Variants in PCSK7 observed in about 807,000 individuals in gnomAD.
The protein encoded by PCSK7 is proprotein convertase subtilisin/kexin type 7.
Under a neutral mutation model 73.3 loss-of-function variants are expected in PCSK7, and 38 were observed. The observed-to-expected ratio is 0.52, with a 90% CI of 0.40 to 0.68. PCSK7 has a LOEUF of 0.68. PCSK7 is among the 30% of genes least tolerant of loss of function. PCSK7 has a pLI of 0.00. For missense variants in PCSK7, 692 were observed against 991.5 expected, an observed-to-expected ratio of 0.70 and a Z score of 4.06; for synonymous variants, 296 against 383.8, an observed-to-expected ratio of 0.77 and a Z score of 2.68.
rs539037086 is a variant in PCSK7 at position 117,229,675 on chromosome 11, T to G, written c.170A>C (p.His57Pro). The change falls in exon 3 of 17, where the codon CAC (histidine) becomes CCC (proline). Residue 57 changes from histidine (H) to proline (P), a missense_variant. This residue lies in a region of PCSK7 where 574 missense variants were observed against 689.8 expected (regional missense o/e 0.83). Coordinates refer to ENST00000320934, the MANE Select transcript of PCSK7 (RefSeq NM_004716.4). Reference protein sequence around the residue: ...QGTGGPSWAVHLESLEGDGEE... With the variant: ...QGTGGPSWAVPLESLEGDGEE... ...CCCGTCACCTTCCAGGCTTTCCAGG[T>G]GCACAGCCCAGCTCGGCCCCCCTGT... 6.2e-7 allele frequency: 1 copy of G among 1,613,870 alleles called. No homozygotes were observed. Among genetic ancestry groups the G allele is most frequent in the East Asian group, 2.2e-5 (1 of 44,866 alleles).
chr11:117,213,956 C>CTTTTTTTTTTTTTTTT (rs1174445276), intron 12 of PCSK7: 29 of 93,934 alleles, frequency 3.1e-4, no homozygotes, highest in African/African-American at 3.9e-4. Flanking sequence ...TTTTCTTTTT[C>CTTTTTTTTTTTTTTTT]TTTTTTTTTT....
chr11:117,225,958 T>C lies in PCSK7; in HGVS notation c.833A>G (p.Tyr278Cys), dbSNP rs1181353585. The C allele has an allele frequency of 7.5e-6, 12 of 1,610,506 alleles. No homozygotes were observed. The highest frequency in any genetic ancestry group is 7.6e-6 in the Non-Finnish European group (9 of 1,176,720). Reference protein sequence around the residue: ...SMEAVAFNKHYQINDIYSCSW... With the variant: ...SMEAVAFNKHCQINDIYSCSW... Reference sequence around the variant, plus strand: ...GCAGCTGTAGATGTCATTGATCTGATAGTGCTTGTTGAACGCCACTGCCTC... The same window carrying C: ...GCAGCTGTAGATGTCATTGATCTGACAGTGCTTGTTGAACGCCACTGCCTC... The change falls in exon 6 of 17, where the codon TAT becomes TGT. Residue 278 changes from tyrosine (Y) to cysteine (C), a missense_variant. Coordinates refer to ENST00000320934, the MANE Select transcript of PCSK7 (RefSeq NM_004716.4).
chr11:117,204,458 C>T lies in PCSK7; in HGVS notation c.*1539G>A. 2 of 1,569,032 alleles carry T rather than the reference C, an allele frequency of 1.3e-6. No homozygotes were observed. The highest frequency in any genetic ancestry group is 1.1e-5 in the South Asian group (1 of 87,772). Reference sequence around the variant, plus strand: ...ACCCACACCCGTGTGGTACCTTCAGCCCTGGCCAAGCTTTGAGGCTCTGTC... The same window carrying T: ...ACCCACACCCGTGTGGTACCTTCAGTCCTGGCCAAGCTTTGAGGCTCTGTC... On this transcript the variant is annotated 3_prime_UTR_variant, in exon 17 of 17. Coordinates refer to ENST00000320934, the MANE Select transcript of PCSK7 (RefSeq NM_004716.4).
intron 12 of PCSK7, chr11:117,211,991 C>A (rs969355092): frequency 6.6e-6 from 1 of 152,226 alleles, no homozygotes; most frequent in African/African-American, 2.4e-5. Flanking sequence ...GATATTATTT[C>A]TTTTCCTGTA....
chr11:117,227,399 G>A, intron 4 of PCSK7, 77 bp from the exon 5 acceptor site: 1 of 1,106,606 alleles, frequency 9.0e-7, no homozygotes, highest in Non-Finnish European at 1.4e-6. Flanking sequence ...GGACAGAAAG[G>A]AAATGGGAGT....
In PCSK7 at chr11:117,218,541, A is replaced by C. The variant is rs1052553540; in HGVS notation, c.1459T>G (p.Ser487Ala). 1 of 1,608,850 alleles carries C rather than the reference A, an allele frequency of 6.2e-7. No homozygotes were observed. The highest frequency in any genetic ancestry group is 8.5e-7 in the Non-Finnish European group (1 of 1,177,242). The change falls in exon 12 of 17, where the codon TCC (serine) becomes GCC (alanine). Residue 487 changes from serine (S) to alanine (A), a missense_variant. By Grantham distance (99) the Ser-to-Ala change is moderately conservative. Coordinates refer to ENST00000320934, the MANE Select transcript of PCSK7 (RefSeq NM_004716.4). The surrounding 1 kb of genome is among the most constrained non-coding windows in gnomAD (Gnocchi z 4.0). ...TCTTTTAACACGGGACTGACGTAGG[A>C]TGCTAAGTAAGGGACAGATGTCCAG... ...KIWTSVPYLA[S>A]YVSPVLKENK...
intron 12 of PCSK7, chr11:117,215,431 C>T (rs1263873942): frequency 3.8e-5 from 4 of 106,042 alleles, no homozygotes; most frequent in Admixed American, 1.0e-4. Flanking sequence ...GATGGAGTCT[C>T]GCTCTGTTGT....
Position 117,218,637 on chromosome 11 carries a change from C to A in PCSK7, c.1432-69G>T, listed in dbSNP as rs2032080867. The A allele has an allele frequency of 2.4e-6, 2 of 816,838 alleles. No homozygotes were observed. Among genetic ancestry groups the A allele is most frequent in the Non-Finnish European group, 2.0e-6 (1 of 495,462 alleles). 50.6% of individuals were successfully genotyped at this position (816,838 alleles called of 1,614,324 possible). ...GATCACACCCACATTCTCACAAACA[C>A]ACACGCCCTTGTCAATACGATCTTG... On this transcript the variant is annotated intron_variant, in intron 11 of 16. Coordinates refer to ENST00000320934, the MANE Select transcript of PCSK7 (RefSeq NM_004716.4). The surrounding 1 kb of genome is among the most constrained non-coding windows in gnomAD (Gnocchi z 4.0).
At chr11:117,217,838 A>G (rs530294090) in intron 12 of PCSK7, 7 of 152,174 alleles carry the variant, frequency 4.6e-5, no homozygotes, top group Non-Finnish European at 7.3e-5. Context: ...ATCCAGCTGC[A>G]CTCTCCTCTA....
rs954402489 is a variant in PCSK7, at chr11:117,226,190, G to A, written c.770-169C>T. 1.7e-5 allele frequency: 10 copies of A among 602,126 alleles called. No homozygotes were observed. In the African/African-American group the frequency reaches 1.7e-4, roughly 10 times the overall value. The allele number at this position is 602,126 out of a possible 1,614,324, so 37.3% of individuals were successfully genotyped here. On this transcript the variant is annotated intron_variant, in intron 5 of 16. Transcript: ENST00000320934. The stretch of plus-strand genomic sequence containing the variant: ...TCTTACTTGTCACCCAGACTGGAGT[G>A]CAGTGGCATGATCTCGGCTCACTGC...
In PCSK7 at chr11:117,225,122, C is replaced by G. The variant is rs538450647; in HGVS notation, c.861-367G>C. 1.7e-4 allele frequency: 27 copies of G among 161,874 alleles called. No homozygotes were observed. In the South Asian group the frequency reaches 4.3e-3, roughly 26 times the overall value. The allele number at this position is 161,874 out of a possible 1,614,324, so 10.0% of individuals were successfully genotyped here. The stretch of plus-strand genomic sequence containing the variant: ...TGTTGCCCAGGCTGAAGTGCAATGG[C>G]GCGATTTTGGCTCACTGCCACCTCC... On this transcript the variant is annotated intron_variant, in intron 6 of 16. Coordinates refer to ENST00000320934, the MANE Select transcript of PCSK7 (RefSeq NM_004716.4).
Position 117,204,421 on chromosome 11 carries a change from T to G in PCSK7, c.*1576A>C. Reference sequence around the variant, plus strand: ...AGCTCCTTGGCTGCAGCCATCCCGCTTAGCCTGCCTCACCCACACCCGTGT... The same window carrying G: ...AGCTCCTTGGCTGCAGCCATCCCGCGTAGCCTGCCTCACCCACACCCGTGT... On this transcript the variant is annotated 3_prime_UTR_variant, in exon 17 of 17. Coordinates refer to ENST00000320934, the MANE Select transcript of PCSK7 (RefSeq NM_004716.4). The G allele has an allele frequency of 6.2e-7, 1 of 1,610,526 alleles. No homozygotes were observed. The highest frequency in any genetic ancestry group is 8.5e-7 in the Non-Finnish European group (1 of 1,178,002).
rs144563404 is a variant in PCSK7, at chr11:117,218,984, G to A, written c.1431+73C>T. On this transcript the variant is annotated intron_variant, in intron 11 of 16. Transcript: ENST00000320934. This position sits in a 1 kb window ranked among gnomAD's most constrained non-coding sequence, Gnocchi z 4.0. ...TTACTAGGCACCTATGATATCCCAGGCAGTTTGGGGCATTCAGCTCCGACC... is the reference window on the plus strand; with the variant it reads ...TTACTAGGCACCTATGATATCCCAGACAGTTTGGGGCATTCAGCTCCGACC... 1.0e-5 allele frequency: 9 copies of A among 894,794 alleles called. No homozygotes were observed. The East Asian group carries it at 2.1e-4, about 20-fold the overall frequency. 55.4% of individuals were successfully genotyped at this position (894,794 alleles called of 1,614,324 possible).
rs538042923 is a variant in PCSK7 at position 117,206,940 on chromosome 11, C to T, written c.1880+127G>A. 1.3e-4 allele frequency: 154 copies of T among 1,184,852 alleles called. 2 individuals are homozygous for T. The African/African-American group carries it at 2.1e-3, about 16-fold the overall frequency. 73.4% of individuals were successfully genotyped at this position (1,184,852 alleles called of 1,614,324 possible). ...AGGCCCAGACTGTGAGTTCCCAGCCCGGGGCTCCATCTACCGGCTTGACGC... is the reference window on the plus strand; with the variant it reads ...AGGCCCAGACTGTGAGTTCCCAGCCTGGGGCTCCATCTACCGGCTTGACGC... On this transcript the variant is annotated intron_variant, in intron 15 of 16. Coordinates refer to ENST00000320934, the MANE Select transcript of PCSK7 (RefSeq NM_004716.4).
chr11:117,205,805 A>G lies in PCSK7; in HGVS notation c.*192T>C, dbSNP rs1279321897. 4.2e-6 allele frequency: 2 copies of G among 474,988 alleles called. No individual in the cohort carries two copies. The highest frequency in any genetic ancestry group is 7.4e-6 in the Non-Finnish European group (2 of 269,028). 29.4% of individuals were successfully genotyped at this position (474,988 alleles called of 1,614,324 possible). On this transcript the variant is annotated 3_prime_UTR_variant, in exon 17 of 17. Transcript: ENST00000320934. ...CAAAAGCTCCCGTTTGGCTGGAGGC[A>G]GACCCTGTGGCTCTGACCAGACTTC...
intron 9 of PCSK7, 42 bp downstream of exon 9, chr11:117,223,166 G>T: frequency 1.7e-6 from 2 of 1,152,598 alleles, no homozygotes; most frequent in Non-Finnish European, 2.6e-6. Context: ...GTGAAGTCTT[G>T]TGGGAAAGGG....
chr11:117,229,506 G>A lies in PCSK7; in HGVS notation c.339C>T (p.Ile113=). Residue 113 remains isoleucine, a synonymous_variant, in exon 3 of 17, where the codon ATC becomes ATT. Coordinates refer to ENST00000320934, the MANE Select transcript of PCSK7 (RefSeq NM_004716.4). ...CCAACACAGCCTCCACCTGCTGCCG[G>A]ATGGCCTCCACCTCCAGGGCCGGCC... The part of the protein sequence containing the change: ...GHRPALEVEA[I]RQQVEAVLAG... 6.2e-7 allele frequency: 1 copy of A among 1,612,620 alleles called. No individual in the cohort carries two copies. Among genetic ancestry groups the A allele is most frequent in the Non-Finnish European group, 8.5e-7 (1 of 1,180,022 alleles).
In PCSK7 at chr11:117,224,689, C is replaced by T; in HGVS notation, c.915+12G>A. 1.2e-6 allele frequency: 2 copies of T among 1,607,512 alleles called. No homozygotes were observed. Among genetic ancestry groups the T allele is most frequent in the Middle Eastern group, 1.7e-4 (1 of 6,042 alleles). On this transcript the variant is annotated intron_variant, in intron 7 of 16. Coordinates refer to ENST00000320934, the MANE Select transcript of PCSK7 (RefSeq NM_004716.4). ...CATCCCGTTTCTCAGAGTCTTTGTG[C>T]AGGCCAGTTACCTTTCCAAGCTGAT...
At chr11:117,221,569 A>G (rs2032190551) in intron 9 of PCSK7, 1 of 152,298 alleles carries the variant, frequency 6.6e-6, no homozygotes. Context: ...ACTGGCAACA[A>G]GAAGTTTCCA....
Sources: gnomAD v4.1 joint callset for allele counts on GRCh38, gnomAD v4.1.1 for gene constraint, gnomAD v4.1.1 regional missense constraint, Gnocchi (gnomAD v3.1) non-coding constraint, MANE v1.5 for transcripts, NCBI Gene and HGNC (gene_info 2026-07-23, HGNC 2026-07-21) for gene names.